The following NLGN4Y variants were observed in gnomAD, a reference collection of about 807,000 sequenced individuals.
NLGN4Y encodes neuroligin-4, Y-linked.
A neutral mutation model predicts 8.4 loss-of-function variants in NLGN4Y; 4 were observed. That is an observed-to-expected ratio of 0.48 (90% confidence interval 0.23 to 1.09). The LOEUF is 1.09. Among genes scored for constraint, NLGN4Y ranks in the 50% least tolerant of loss-of-function variants. The pLI is 0.19. For synonymous variants in NLGN4Y, 35 were observed against 75.6 expected (o/e 0.46, Z 2.78); for missense variants, 90 against 192.3 (o/e 0.47, Z 3.15).
intron 4 of NLGN4Y, among the ~76,000 whole-genome samples, chrY:14,739,933 G>A: frequency 3.1e-5 from 1 of 31,816 alleles, no homozygotes; most frequent in South Asian, 7.5e-4. Context: ...TAAATAAACC[G>A]AGTAACATAT....
intron 1 of NLGN4Y, among the ~76,000 whole-genome samples, chrY:14,559,667 G>A (rs1000235807): frequency 9.1e-5 from 3 of 32,855 alleles, no homozygotes; most frequent in Non-Finnish European, 7.5e-5. Flanking sequence ...TCCCCTCATC[G>A]CCAGAAGAAG....
intron 2 of NLGN4Y, among the ~76,000 whole-genome samples, chrY:14,659,424 A>C (rs1036963211): frequency 1.5e-4 from 5 of 33,134 alleles, no homozygotes; most frequent in Admixed American, 1.4e-3. Context: ...CAAGGTACAT[A>C]GAAGCTGTTT....
At chrY:14,682,533 A>G in intron 2 of NLGN4Y, among the ~76,000 whole-genome samples, 1 of 33,396 alleles carries the variant, frequency 3.0e-5, no homozygotes, top group Admixed American at 2.8e-4. Context: ...CCAAAGTTCT[A>G]TATTAATTTT....
chrY:14,787,285 C>G (rs763764856), intron 4 of NLGN4Y, among the ~76,000 whole-genome samples: 1 of 32,692 alleles, frequency 3.1e-5, no homozygotes, highest in East Asian at 8.0e-4. Flanking sequence ...CTTGACCTCC[C>G]AAAATGCTGA....
rs2043232581 is a variant in NLGN4Y, at chrY:14,843,078, A to G, written c.*1816A>G. ...GATTCCCCATAAAAATTGTCCAGCT[A>G]CCTGACTCTTTTGCAATAACAACTT... On this transcript the variant is annotated 3_prime_UTR_variant, in exon 7 of 7. Coordinates refer to ENST00000684976, the MANE Select transcript of NLGN4Y (RefSeq NM_001365588.1). 8.3e-6 allele frequency: 1 copy of G among 120,027 alleles called. No individual in the cohort carries two copies. Among genetic ancestry groups the G allele is most frequent in the African/African-American group, 9.6e-5 (1 of 10,456 alleles). 29.9% of individuals were successfully genotyped at this position (120,027 alleles called of 400,897 possible).
intron 1 of NLGN4Y, among the ~76,000 whole-genome samples, chrY:14,549,451 CACA>C (rs2080183897): frequency 3.0e-5 from 1 of 33,346 alleles, no homozygotes; most frequent in Non-Finnish European, 7.4e-5. Flanking sequence ...TCTCCATCGT[CACA>C]ACGACAGTCA....
intron 2 of NLGN4Y, among the ~76,000 whole-genome samples, chrY:14,654,065 G>A (rs2080640321): frequency 3.0e-5 from 1 of 33,411 alleles, no homozygotes; most frequent in Admixed American, 2.7e-4. Context: ...TCATCTTATC[G>A]TTCCTTTGTC....
chrY:14,806,858 G>C, intron 4 of NLGN4Y, among the ~76,000 whole-genome samples: 7 of 32,086 alleles, frequency 2.2e-4, no homozygotes, highest in South Asian at 1.4e-3. Context: ...ATTGCACTTA[G>C]TGCAAATAGA....
intron 1 of NLGN4Y, among the ~76,000 whole-genome samples, chrY:14,570,204 A>G: frequency 3.0e-5 from 1 of 33,825 alleles, no homozygotes; most frequent in African/African-American, 1.1e-4. Flanking sequence ...CACTGTTAGG[A>G]CAGAAGATTT....
chrY:14,638,879 C>T (rs981161153), intron 2 of NLGN4Y, among the ~76,000 whole-genome samples: 1 of 33,303 alleles, frequency 3.0e-5, no homozygotes, highest in Non-Finnish European at 7.4e-5. Context: ...TTGAATTGTG[C>T]GTCTCAAAAA....
chrY:14,688,287 A>G, intron 2 of NLGN4Y, among the ~76,000 whole-genome samples: 1 of 33,614 alleles, frequency 3.0e-5, no homozygotes, highest in Non-Finnish European at 7.4e-5. Flanking sequence ...GATAGTGTCG[A>G]TGGTATCTAA....
intron 1 of NLGN4Y, among the ~76,000 whole-genome samples, chrY:14,566,113 T>C: frequency 3.0e-5 from 1 of 33,062 alleles, no homozygotes; most frequent in Admixed American, 2.8e-4. Context: ...ACTGCATCAA[T>C]TAATGGGCAT....
At chrY:14,569,709 A>G (rs771711694) in intron 1 of NLGN4Y, among the ~76,000 whole-genome samples, 21 of 33,763 alleles carry the variant, frequency 6.2e-4, no homozygotes, top group Admixed American at 1.6e-3. Context: ...TCTCCATAGT[A>G]GCGTAAATAT....
rs776874187 is a variant in NLGN4Y, at chrY:14,600,769, T to A, written c.-111-21240T>A. Reference sequence around the variant, plus strand: ...AGTAGGTGTATATATTTGTGGGTTATATGAGCTATTTCAATATAGGCATAC... The same window carrying A: ...AGTAGGTGTATATATTTGTGGGTTAAATGAGCTATTTCAATATAGGCATAC... On this transcript the variant is annotated intron_variant, in intron 1 of 6. Coordinates refer to ENST00000684976, the MANE Select transcript of NLGN4Y (RefSeq NM_001365588.1). 9.9e-4 allele frequency among the ~76,000 whole-genome samples: 33 copies of A among 33,472 alleles called. No individual in the cohort carries two copies. In the East Asian group the frequency reaches 0.025, roughly 25 times the overall value. The allele number at this position is 33,472 out of a possible 37,273, so 89.8% of individuals were successfully genotyped here.
intron 1 of NLGN4Y, among the ~76,000 whole-genome samples, chrY:14,610,394 G>T: frequency 3.0e-5 from 1 of 32,877 alleles, no homozygotes; most frequent in South Asian, 6.9e-4. Context: ...TAGAGATTCT[G>T]GTACATTGTA....
chrY:14,601,260 C>A, intron 1 of NLGN4Y, among the ~76,000 whole-genome samples: 1 of 30,731 alleles, frequency 3.3e-5, no homozygotes, highest in Non-Finnish European at 7.8e-5. Context: ...CACCACCTCG[C>A]CCACCTAATT....
chrY:14,779,922 T>G (rs778876647), intron 4 of NLGN4Y, among the ~76,000 whole-genome samples: 9 of 33,421 alleles, frequency 2.7e-4, no homozygotes, highest in Admixed American at 5.5e-4. Flanking sequence ...TCCCAACTTC[T>G]ACATCTTTTG....
intron 2 of NLGN4Y, chrY:14,639,611 C>G: frequency 5.3e-6 from 1 of 189,634 alleles, no homozygotes; most frequent in Non-Finnish European, 9.8e-6. Flanking sequence ...GAAACAAAGT[C>G]CAACATATAA....
At chrY:14,578,580 C>T in intron 1 of NLGN4Y, among the ~76,000 whole-genome samples, 7 of 33,345 alleles carry the variant, frequency 2.1e-4, no homozygotes, top group African/African-American at 3.5e-4. Context: ...GCAGGTTCAT[C>T]TTATGTGGCT....
Sources: allele counts gnomAD v4.1 joint callset (sites outside exome capture counted in the v4.1 genomes callset), GRCh38; gene constraint gnomAD v4.1.1; transcripts MANE v1.5; gene names NCBI Gene and HGNC (gene_info 2026-07-23, HGNC 2026-07-21).